The following DSCAML1 variants were observed in gnomAD, a reference collection of about 807,000 sequenced individuals.
DSCAML1 encodes cell adhesion molecule DSCAML1.
Under a neutral mutation model 200.5 loss-of-function variants are expected in DSCAML1, and 38 were observed. The ratio of observed to expected loss-of-function variants is 0.19; its 90% CI spans 0.15 to 0.25. DSCAML1 has a LOEUF of 0.25. Ranked by LOEUF, DSCAML1 falls within the 10% of genes least tolerant of loss-of-function variation. The probability of loss-of-function intolerance (pLI) is 1.00; values close to 1 mark genes in which losing one functional copy is unlikely to be tolerated. For synonymous variants in DSCAML1, 1,215 were observed against 1,165.0 expected (o/e 1.04, Z -0.87); for missense variants, 2,223 against 2,858.8 (o/e 0.78, Z 5.07).
At chr11:117,559,038 G>GA (rs936361100) in intron 3 of DSCAML1, among the ~76,000 whole-genome samples, 1 of 152,076 alleles carries the variant, frequency 6.6e-6, no homozygotes, top group Non-Finnish European at 1.5e-5. Context: ...ATAAACTAGG[G>GA]AAAAGGGGAG....
At chr11:117,653,441 C>T (rs1445639390) in intron 3 of DSCAML1, among the ~76,000 whole-genome samples, 1 of 152,138 alleles carries the variant, frequency 6.6e-6, no homozygotes, top group African/African-American at 2.4e-5. Context: ...AAGGATTCCC[C>T]CTTCCCCCAG....
intron 29 of DSCAML1, among the ~76,000 whole-genome samples, chr11:117,432,864 G>A (rs2071228971): frequency 6.6e-6 from 1 of 151,852 alleles, no homozygotes; most frequent in Non-Finnish European, 1.5e-5. Context: ...TCCCTCCTTG[G>A]CCTCCCGAAG....
At chr11:117,462,633 A>G (rs1364387000) in intron 17 of DSCAML1, among the ~76,000 whole-genome samples, 1 of 152,262 alleles carries the variant, frequency 6.6e-6, no homozygotes, top group Non-Finnish European at 1.5e-5. Context: ...TTATTGTTTC[A>G]TATTACTTAG....
intron 3 of DSCAML1, among the ~76,000 whole-genome samples, chr11:117,548,790 A>G (rs2050423001): frequency 6.6e-6 from 1 of 152,188 alleles, no homozygotes; most frequent in Non-Finnish European, 1.5e-5. Context: ...TGCAAGTCCC[A>G]GAGAAGAAAC....
At chr11:117,509,915 G>A (rs1202687714) in intron 8 of DSCAML1, among the ~76,000 whole-genome samples, 1 of 152,228 alleles carries the variant, frequency 6.6e-6, no homozygotes, top group African/African-American at 2.4e-5. Context: ...CGTGTCCCTA[G>A]CAGGCAGCTG....
intron 3 of DSCAML1, among the ~76,000 whole-genome samples, chr11:117,637,344 ATTTTT>A (rs36023662): frequency 1.9e-4 from 27 of 139,056 alleles, no homozygotes; most frequent in African/African-American, 6.1e-4. Flanking sequence ...GTGCTCAATA[ATTTTT>A]TTTTTTTTTT....
intron 3 of DSCAML1, among the ~76,000 whole-genome samples, chr11:117,591,847 G>A (rs894395339): frequency 2.6e-5 from 4 of 152,166 alleles, no homozygotes; most frequent in Non-Finnish European, 5.9e-5. Context: ...CTGTCCCCAG[G>A]TGCATCCCGG....
intron 20 of DSCAML1, among the ~76,000 whole-genome samples, chr11:117,445,026 AT>A (rs1384565441): frequency 6.6e-6 from 1 of 152,152 alleles, no homozygotes; most frequent in East Asian, 1.9e-4. Context: ...ATAATTAGTT[AT>A]CTCTGCAGTC....
chr11:117,730,496 G>A (rs1371293922), intron 3 of DSCAML1, among the ~76,000 whole-genome samples: 1 of 152,188 alleles, frequency 6.6e-6, no homozygotes, highest in African/African-American at 2.4e-5. Context: ...TACATTTGTG[G>A]TAATTTGTTA....
Position 117,623,412 on chromosome 11 carries a change from T to C in DSCAML1, c.512-90890A>G, listed in dbSNP as rs138771352. Among the ~76,000 whole-genome samples the C allele has an allele frequency of 4.0e-3, 603 of 152,106 alleles. 4 individuals are homozygous for C. Among genetic ancestry groups the C allele is most frequent in the African/African-American group, 0.014 (568 of 41,498 alleles). On this transcript the variant is annotated intron_variant, in intron 3 of 32. Coordinates refer to ENST00000651296, the MANE Select transcript of DSCAML1 (RefSeq NM_020693.4). ...TGTATTTTTAGTAGAGACAGGGTTTTGCCATGTTGGCCAGGCAGGTCTCGA... is the reference window on the plus strand; with the variant it reads ...TGTATTTTTAGTAGAGACAGGGTTTCGCCATGTTGGCCAGGCAGGTCTCGA...
chr11:117,785,222 G>T (rs541592641), intron 1 of DSCAML1, among the ~76,000 whole-genome samples: 1 of 152,312 alleles, frequency 6.6e-6, no homozygotes, highest in African/African-American at 2.4e-5. Flanking sequence ...AGCAGGAAAG[G>T]GGGTTAAACA....
Position 117,505,177 on chromosome 11 carries a change from C to A in DSCAML1, c.2063-134G>T. On this transcript the variant is annotated intron_variant, in intron 9 of 32. Coordinates refer to ENST00000651296, the MANE Select transcript of DSCAML1 (RefSeq NM_020693.4). This position sits in a 1 kb window ranked among gnomAD's most constrained non-coding sequence, Gnocchi z 6.7. ...GTTGGAAGCGGGCAGTTTCTGAAAC[C>A]CAAGATGCTGAGAACTTTTGTTGAG... 1 of 1,364,162 alleles carries A rather than the reference C, an allele frequency of 7.3e-7. No homozygotes were observed. The highest frequency in any genetic ancestry group is 9.9e-7 in the Non-Finnish European group (1 of 1,008,676). 84.5% of individuals were successfully genotyped at this position (1,364,162 alleles called of 1,614,324 possible).
At chr11:117,756,545 T>C (rs1040211627) in intron 3 of DSCAML1, among the ~76,000 whole-genome samples, 4 of 152,184 alleles carry the variant, frequency 2.6e-5, no homozygotes, top group African/African-American at 9.7e-5. Context: ...AGGGCTTAAC[T>C]AAGACTAGAG....
intron 3 of DSCAML1, among the ~76,000 whole-genome samples, chr11:117,599,362 TCTC>T (rs757412912): frequency 4.9e-4 from 74 of 152,326 alleles, no homozygotes; most frequent in Non-Finnish European, 8.1e-4. Flanking sequence ...CCAAATGGCT[TCTC>T]CTAATCATAG....
At chr11:117,610,848 C>G (rs1050629183) in intron 3 of DSCAML1, among the ~76,000 whole-genome samples, 9 of 149,070 alleles carry the variant, frequency 6.0e-5, no homozygotes, top group Non-Finnish European at 8.9e-5. Flanking sequence ...CAACCCCCCC[C>G]CCCCACAATG....
At chr11:117,594,137 C>A (rs2051317589) in intron 3 of DSCAML1, among the ~76,000 whole-genome samples, 1 of 152,164 alleles carries the variant, frequency 6.6e-6, no homozygotes, top group Non-Finnish European at 1.5e-5. Flanking sequence ...GAAAGAGGGG[C>A]ACTCAGTATA....
At chr11:117,550,763 C>T (rs972238077) in intron 3 of DSCAML1, among the ~76,000 whole-genome samples, 7 of 152,198 alleles carry the variant, frequency 4.6e-5, no homozygotes, top group African/African-American at 7.2e-5. Flanking sequence ...ACCTCTCACT[C>T]GCTGACACTC....
chr11:117,484,898 TGTGTGTGTGTG>T, intron 11 of DSCAML1, among the ~76,000 whole-genome samples: 1 of 76,034 alleles, frequency 1.3e-5, no homozygotes, highest in South Asian at 3.2e-4. Context: ...TGTGTGTGTG[TGTGTGTGTGTG>T]TGTGTGTGTG....
At position 117,435,932 on chromosome 11, in the gene DSCAML1, C is replaced by T. The variant is rs1202613597; in HGVS notation, c.4721-133G>A. The stretch of plus-strand genomic sequence containing the variant: ...CTGACCTCCACCTCCTGGCACAGAA[C>T]CCTGGACTTCCCCTCTGCTCCCCAA... On this transcript the variant is annotated intron_variant, in intron 26 of 32. Coordinates refer to ENST00000651296, the MANE Select transcript of DSCAML1 (RefSeq NM_020693.4). 8.5e-6 allele frequency: 8 copies of T among 938,838 alleles called. No homozygotes were observed. The South Asian group carries it at 1.6e-4, about 18-fold the overall frequency. 58.2% of individuals were successfully genotyped at this position (938,838 alleles called of 1,614,324 possible).
Sources: gnomAD v4.1 joint callset for allele counts (sites outside exome capture counted in the v4.1 genomes callset) on GRCh38, gnomAD v4.1.1 for gene constraint, Gnocchi (gnomAD v3.1) non-coding constraint, MANE v1.5 for transcripts, NCBI Gene and HGNC (gene_info 2026-07-23, HGNC 2026-07-21) for gene names.